PAK1: variants seen among roughly 807,000 people sequenced by gnomAD.
The protein encoded by PAK1 is p21 (RAC1) activated kinase 1.
A neutral mutation model predicts 67.4 loss-of-function variants in PAK1; 29 were observed. The ratio of observed to expected loss-of-function variants is 0.43; its 90% CI spans 0.32 to 0.59. The LOEUF is 0.59. Ranked by LOEUF, PAK1 falls within the 20% of genes least tolerant of loss-of-function variation. The pLI is 0.07. For missense variants in PAK1, 337 were observed against 670.7 expected (o/e 0.50, Z 5.50); for synonymous variants, 223 against 237.4 (o/e 0.94, Z 0.56).
At chr11:77,494,590 TAA>T in the PAK1 span, among the ~76,000 whole-genome samples, 281 of 130,466 alleles carry the variant, frequency 2.2e-3, 1 homozygote, top group East Asian at 6.9e-3. Flanking sequence ...TAGCTACTAT[TAA>T]AAAAAAAAAA....
chr11:77,487,216 C>A, the PAK1 span, among the ~76,000 whole-genome samples: 1 of 152,124 alleles, frequency 6.6e-6, no homozygotes, highest in East Asian at 1.9e-4. Context: ...AGGGAACATG[C>A]TGCCTTGAGG....
intron 4 of PAK1, among the ~76,000 whole-genome samples, chr11:77,378,045 C>G (rs1054265214): frequency 6.6e-6 from 1 of 152,230 alleles, no homozygotes; most frequent in Non-Finnish European, 1.5e-5. Context: ...TGAAACAAGC[C>G]AGATACTGGC....
the PAK1 span, among the ~76,000 whole-genome samples, chr11:77,485,482 A>AT: frequency 2.5e-4 from 38 of 150,406 alleles, no homozygotes; most frequent in East Asian, 4.9e-3. Context: ...ATAAAAAAAA[A>AT]TTTTTTTTTT....
the PAK1 span, among the ~76,000 whole-genome samples, chr11:77,516,473 G>C: frequency 6.6e-6 from 1 of 152,146 alleles, no homozygotes; most frequent in Non-Finnish European, 1.5e-5. Context: ...GTTAGTATAT[G>C]TAAAATGTTT....
At chr11:77,400,791 TATC>T (rs1417604874) in intron 1 of PAK1, among the ~76,000 whole-genome samples, 1 of 152,252 alleles carries the variant, frequency 6.6e-6, no homozygotes, top group Admixed American at 6.5e-5. Context: ...ATCTATTTGG[TATC>T]ATTTTTCTCA....
chr11:77,520,554 C>G, the PAK1 span, among the ~76,000 whole-genome samples: 1 of 152,158 alleles, frequency 6.6e-6, no homozygotes, highest in Non-Finnish European at 1.5e-5. Context: ...GCATGTCAGG[C>G]TTCTGGGTTC....
At chr11:77,523,477 T>C in the PAK1 span, among the ~76,000 whole-genome samples, 1 of 151,360 alleles carries the variant, frequency 6.6e-6, no homozygotes, top group Non-Finnish European at 1.5e-5. Context: ...TGGAGTGCAG[T>C]GACGCGATCT....
chr11:77,437,339 A>C (rs949427602), intron 1 of PAK1, among the ~76,000 whole-genome samples: 5 of 152,326 alleles, frequency 3.3e-5, no homozygotes, highest in African/African-American at 1.2e-4. Context: ...CTTTCCTTCA[A>C]TTTCCTCATC....
rs112618997 is a variant in PAK1, at chr11:77,379,826, G to A, written c.291+68C>T. The A allele has an allele frequency of 2.5e-3, 2,539 of 1,020,176 alleles. 33 individuals carry two copies. The African/African-American group carries it at 0.029, about 12-fold the overall frequency. The allele number at this position is 1,020,176 out of a possible 1,614,324, so 63.2% of individuals were successfully genotyped here. On this transcript the variant is annotated intron_variant, in intron 3 of 14. Coordinates refer to ENST00000356341, the MANE Select transcript of PAK1 (RefSeq NM_002576.5). The stretch of plus-strand genomic sequence containing the variant: ...TAGAAGCATCAGGAAGATGAGAAAG[G>A]GTTGAATCTAACAGTGCACAGCCAG...
chr11:77,505,195 CT>C, the PAK1 span, among the ~76,000 whole-genome samples: 4 of 149,594 alleles, frequency 2.7e-5, no homozygotes, highest in Admixed American at 6.7e-5. Flanking sequence ...TTTTCTTTTT[CT>C]TTTTTTTTTG....
At chr11:77,495,334 C>T in the PAK1 span, among the ~76,000 whole-genome samples, 5 of 149,502 alleles carry the variant, frequency 3.3e-5, no homozygotes, top group South Asian at 2.1e-4. Context: ...ATTAGCCAGG[C>T]GCGGTGGTGC....
At chr11:77,480,292 T>A in the PAK1 span, among the ~76,000 whole-genome samples, 2,129 of 151,844 alleles carry the variant, frequency 0.014, 54 homozygotes, top group African/African-American at 0.048. Context: ...TTCTTTTTTT[T>A]TTAAAAAAAG....
intron 8 of PAK1, among the ~76,000 whole-genome samples, chr11:77,352,409 C>T (rs146541617): frequency 2.0e-5 from 3 of 152,274 alleles, no homozygotes; most frequent in South Asian, 4.1e-4. Context: ...TTTCAGTCAA[C>T]GATGGACCGC....
chr11:77,407,610 A>C (rs1479913381), intron 1 of PAK1, among the ~76,000 whole-genome samples: 1 of 152,136 alleles, frequency 6.6e-6, no homozygotes, highest in Non-Finnish European at 1.5e-5. Context: ...TCATTATTTC[A>C]TCTGATCCTC....
At chr11:77,375,018 G>C (rs1948909412) in intron 4 of PAK1, among the ~76,000 whole-genome samples, 1 of 152,112 alleles carries the variant, frequency 6.6e-6, no homozygotes, top group Admixed American at 6.6e-5. Flanking sequence ...CTTAGGCTAT[G>C]CTAAATTTAT....
At chr11:77,486,895 C>T in the PAK1 span, among the ~76,000 whole-genome samples, 1 of 152,176 alleles carries the variant, frequency 6.6e-6, no homozygotes, top group African/African-American at 2.4e-5. Flanking sequence ...AATTCCTCGG[C>T]AAGTCCGGGT....
the PAK1 span, among the ~76,000 whole-genome samples, chr11:77,522,726 A>C: frequency 6.6e-6 from 1 of 152,242 alleles, no homozygotes; most frequent in South Asian, 2.1e-4. Context: ...CTGGACATAT[A>C]TCCAAAGGAA....
chr11:77,387,739 T>C (rs1179237378), intron 2 of PAK1, among the ~76,000 whole-genome samples: 5 of 152,232 alleles, frequency 3.3e-5, no homozygotes, highest in African/African-American at 1.2e-4. Context: ...TGGAATGAAA[T>C]TTAAAAAATA....
intron 4 of PAK1, among the ~76,000 whole-genome samples, chr11:77,377,558 G>C (rs1354627528): frequency 2.0e-5 from 3 of 152,064 alleles, no homozygotes; most frequent in African/African-American, 7.2e-5. Flanking sequence ...ATAATTACCT[G>C]AATGTTTATA....
Sources: allele counts gnomAD v4.1 joint callset (sites outside exome capture counted in the v4.1 genomes callset), GRCh38; gene constraint gnomAD v4.1.1; transcripts MANE v1.5; gene names NCBI Gene and HGNC (gene_info 2026-07-23, HGNC 2026-07-21).